SEPTIN9: variants seen among roughly 807,000 people sequenced by gnomAD.
SEPTIN9 encodes the protein septin 9.
Under a neutral mutation model 56.6 loss-of-function variants are expected in SEPTIN9, and 13 were observed. The observed-to-expected ratio is 0.23, with a 90% confidence interval of 0.15 to 0.37. SEPTIN9 has a LOEUF of 0.37. SEPTIN9 is among the 10% of genes least tolerant of loss of function. The pLI is 1.00. For synonymous variants in SEPTIN9, 332 were observed against 334.1 expected (o/e 0.99, Z 0.07); for missense variants, 650 against 823.1 (o/e 0.79, Z 2.57).
intron 2 of SEPTIN9, among the ~76,000 whole-genome samples, chr17:77,348,386 C>T (rs1385549269): frequency 6.8e-6 from 1 of 147,970 alleles, no homozygotes; most frequent in Non-Finnish European, 1.5e-5. Context: ...GCAACCTCTG[C>T]CTCCTGGGTT....
At chr17:77,415,263 GTC>G (rs1240884131) in intron 3 of SEPTIN9, among the ~76,000 whole-genome samples, 24 of 152,188 alleles carry the variant, frequency 1.6e-4, no homozygotes, top group African/African-American at 5.8e-4. Flanking sequence ...CAATGGCAGA[GTC>G]TGAGCAGGTT....
rs958402480 is a variant in SEPTIN9, at chr17:77,487,339, C to T, written c.914-85C>T. Reference sequence around the variant, plus strand: ...TGCTGAATCTCAGACTGGAGAGCCTCGTGCCTGGGTGGGAGGGGCCCCATG... The same window carrying T: ...TGCTGAATCTCAGACTGGAGAGCCTTGTGCCTGGGTGGGAGGGGCCCCATG... On this transcript the variant is annotated intron_variant, in intron 4 of 11. Coordinates refer to ENST00000427177, the MANE Select transcript of SEPTIN9 (RefSeq NM_001113491.2). The surrounding 1 kb of genome is among the most constrained non-coding windows in gnomAD (Gnocchi z 4.3). 88 of 1,436,362 alleles carry T rather than the reference C, an allele frequency of 6.1e-5. No individual in the cohort carries two copies. Among genetic ancestry groups the T allele is most frequent in the African/African-American group, 1.3e-4 (9 of 70,596 alleles). 89.0% of individuals were successfully genotyped at this position (1,436,362 alleles called of 1,614,324 possible). A position where few individuals can be genotyped will look rare whatever the true frequency, so the allele number is the denominator to read the frequency against.
intron 3 of SEPTIN9, among the ~76,000 whole-genome samples, chr17:77,469,888 C>A (rs1398813200): frequency 1.3e-5 from 2 of 149,052 alleles, no homozygotes; most frequent in African/African-American, 2.5e-5. Context: ...TATCTACAGT[C>A]ATTCACTCAT....
chr17:77,418,503 A>T (rs312911), intron 3 of SEPTIN9, among the ~76,000 whole-genome samples: 1 of 151,838 alleles, frequency 6.6e-6, no homozygotes, highest in African/African-American at 2.4e-5. Context: ...TCACCATGGC[A>T]GGCTAGTTTT....
intron 4 of SEPTIN9, among the ~76,000 whole-genome samples, chr17:77,484,742 GTGGTGGTTGTGATGGTGGTGA>G (rs2039633562): frequency 1.1e-4 from 6 of 53,490 alleles, no homozygotes; most frequent in Admixed American, 3.0e-4. Flanking sequence ...GATGGTGGTG[GTGGTGGTTGTGATGGTGGTGA>G]TGTGGGTGGT....
At chr17:77,305,218 G>A (rs552660839) in intron 1 of SEPTIN9, among the ~76,000 whole-genome samples, 7 of 152,296 alleles carry the variant, frequency 4.6e-5, no homozygotes, top group African/African-American at 1.7e-4. Context: ...GATGCTGGGT[G>A]AGGTCACGGA....
At chr17:77,292,435 C>T (rs772801450) in intron 1 of SEPTIN9, among the ~76,000 whole-genome samples, 8 of 152,046 alleles carry the variant, frequency 5.3e-5, no homozygotes, top group South Asian at 2.1e-4. Context: ...AGCCTTTTCC[C>T]GCATCCTGGG....
chr17:77,414,308 C>T (rs2036415441), intron 3 of SEPTIN9, among the ~76,000 whole-genome samples: 1 of 152,032 alleles, frequency 6.6e-6, no homozygotes, highest in Admixed American at 6.6e-5. Context: ...CTCCTGACCT[C>T]AGGTGATCCA....
chr17:77,414,991 C>T (rs1241182303), intron 3 of SEPTIN9, among the ~76,000 whole-genome samples: 2 of 152,142 alleles, frequency 1.3e-5, no homozygotes, highest in East Asian at 3.8e-4. Flanking sequence ...CCAGTGCGTC[C>T]CTGAGTAATA....
rs1047798823 is a variant in SEPTIN9, at chr17:77,450,665, CTGCAGGGA to C, written c.722-31478_722-31471del. Reference sequence around the variant, plus strand: ...CTCTGGGTCCCAGCACATCCCAGGCCTGCAGGGAGGGGGAGAGGAAGAGACTGACTCAC... The same window carrying C: ...CTCTGGGTCCCAGCACATCCCAGGCCGGGGGAGAGGAAGAGACTGACTCAC... On this transcript the variant is annotated intron_variant, in intron 3 of 11. Transcript: ENST00000427177. This position sits in a 1 kb window ranked among gnomAD's most constrained non-coding sequence, Gnocchi z 6.0. The C allele has an allele frequency of 1.0e-6, 1 of 986,208 alleles. No individual in the cohort carries two copies. The highest frequency in any genetic ancestry group is 1.7e-5 in the African/African-American group (1 of 57,224). 61.1% of individuals were successfully genotyped at this position (986,208 alleles called of 1,614,324 possible). A position where few individuals can be genotyped will look rare whatever the true frequency, so the allele number is the denominator to read the frequency against.
rs1345959729 is a variant in SEPTIN9, at chr17:77,499,516, G to A, written c.*858G>A. The A allele has an allele frequency of 1.9e-5, 9 of 467,788 alleles. No individual in the cohort carries two copies. The highest frequency in any genetic ancestry group is 3.3e-5 in the Non-Finnish European group (8 of 241,594). The allele number at this position is 467,788 out of a possible 1,614,324, so 29.0% of individuals were successfully genotyped here. A position where few individuals can be genotyped will look rare whatever the true frequency, so the allele number is the denominator to read the frequency against. ...GGTCTAAGCAAGTGAGTCTGGTGGA[G>A]GAGCTGAGGGAGGGAGCCATGGAAG... is the stretch of plus-strand genomic sequence containing the variant. On this transcript the variant is annotated 3_prime_UTR_variant, in exon 12 of 12. Coordinates refer to ENST00000427177, the MANE Select transcript of SEPTIN9 (RefSeq NM_001113491.2).
chr17:77,426,174 G>A (rs535057605), intron 3 of SEPTIN9, among the ~76,000 whole-genome samples: 5 of 151,986 alleles, frequency 3.3e-5, no homozygotes, highest in Non-Finnish European at 7.4e-5. Context: ...CACTCCTCCC[G>A]AATCCGAGTG....
At chr17:77,303,460 A>G (rs879356341) in intron 1 of SEPTIN9, among the ~76,000 whole-genome samples, 1 of 150,322 alleles carries the variant, frequency 6.7e-6, no homozygotes, top group Middle Eastern at 3.4e-3. Flanking sequence ...AACGCCTGTA[A>G]TCCGAACACT....
intron 2 of SEPTIN9, among the ~76,000 whole-genome samples, chr17:77,344,774 C>T (rs1439096442): frequency 6.6e-6 from 1 of 152,156 alleles, no homozygotes; most frequent in Non-Finnish European, 1.5e-5. Flanking sequence ...GAGTTTGAGA[C>T]TAGCCTGGCC....
chr17:77,445,153 C>G lies in SEPTIN9; in HGVS notation c.722-36991C>G, dbSNP rs1305273485. 1 of 470,114 alleles carries G rather than the reference C, an allele frequency of 2.1e-6. No homozygotes were observed. The allele number at this position is 470,114 out of a possible 1,614,324, so 29.1% of individuals were successfully genotyped here. On this transcript the variant is annotated intron_variant, in intron 3 of 11. Coordinates refer to ENST00000427177, the MANE Select transcript of SEPTIN9 (RefSeq NM_001113491.2). The surrounding 1 kb of genome is among the most constrained non-coding windows in gnomAD (Gnocchi z 4.7). The stretch of plus-strand genomic sequence containing the variant: ...CCCCAGCCTGCCAACCCAAGGGTGG[C>G]AGGAGCTGTGGGTGCTCCCAGCCCC...
intron 2 of SEPTIN9, among the ~76,000 whole-genome samples, chr17:77,328,759 C>T (rs1048465486): frequency 2.6e-5 from 4 of 152,192 alleles, no homozygotes; most frequent in African/African-American, 9.7e-5. Context: ...AGTCGCTGGT[C>T]GCTTGTTACT....
At chr17:77,358,250 G>A (rs542214981) in intron 2 of SEPTIN9, among the ~76,000 whole-genome samples, 4 of 152,200 alleles carry the variant, frequency 2.6e-5, no homozygotes, top group South Asian at 2.1e-4. Flanking sequence ...CTCTGGGCAC[G>A]TGTTTACTTG....
chr17:77,419,170 G>C (rs887206570), intron 3 of SEPTIN9, among the ~76,000 whole-genome samples: 2 of 152,332 alleles, frequency 1.3e-5, no homozygotes, highest in Admixed American at 1.3e-4. Context: ...GGAGAAGGCC[G>C]CTGTTTGAAC....
chr17:77,491,936 C>T (rs1462009039), intron 8 of SEPTIN9, among the ~76,000 whole-genome samples: 8 of 151,988 alleles, frequency 5.3e-5, no homozygotes, highest in African/African-American at 1.9e-4. Context: ...GGCTCTTCCT[C>T]CTGACAGGGC....
Sources: gnomAD v4.1 joint callset for allele counts (sites outside exome capture counted in the v4.1 genomes callset) on GRCh38, gnomAD v4.1.1 for gene constraint, Gnocchi (gnomAD v3.1) non-coding constraint, MANE v1.5 for transcripts, NCBI Gene and HGNC (gene_info 2026-07-23, HGNC 2026-07-21) for gene names.